Variants in DCDC2C observed in about 807,000 individuals in gnomAD.
DCDC2C encodes doublecortin domain containing 2C.
DCDC2C carries 44 observed loss-of-function variants against 45.0 expected under a neutral mutation model. The observed-to-expected ratio is 0.98, with a 90% confidence interval of 0.77 to 1.26. DCDC2C has a LOEUF of 1.26. Among genes scored for constraint, DCDC2C ranks in the 50% most tolerant of loss-of-function variants. The pLI is 0.00. For synonymous variants in DCDC2C, 187 were observed against 178.8 expected (o/e 1.05, Z -0.37); for missense variants, 447 against 468.9 (o/e 0.95, Z 0.43).
intron 6 of DCDC2C, among the ~76,000 whole-genome samples, chr2:3,755,406 T>C (rs564987531): frequency 2.7e-5 from 4 of 150,510 alleles, no homozygotes; most frequent in African/African-American, 5.0e-5. Context: ...CATATGTATG[T>C]ATTTAAATAC....
At chr2:3,836,901 A>C (rs1010308005) in intron 10 of DCDC2C, among the ~76,000 whole-genome samples, 1 of 151,606 alleles carries the variant, frequency 6.6e-6, no homozygotes, top group Admixed American at 6.6e-5. Flanking sequence ...TCTCTGTACT[A>C]TCTTTGCAAC....
intron 10 of DCDC2C, among the ~76,000 whole-genome samples, chr2:3,803,398 C>T (rs761487066): frequency 8.5e-5 from 13 of 152,312 alleles, no homozygotes; most frequent in Middle Eastern, 3.4e-3. Context: ...ACAGACCTTG[C>T]GTCCTATCTT....
At chr2:3,774,788 T>C (rs1050231828) in intron 8 of DCDC2C, among the ~76,000 whole-genome samples, 1 of 151,476 alleles carries the variant, frequency 6.6e-6, no homozygotes, top group Non-Finnish European at 1.5e-5. Flanking sequence ...TTTTTTGAGA[T>C]GGAGTTTTGC....
chr2:3,798,271 C>T (rs1444145344), intron 10 of DCDC2C, among the ~76,000 whole-genome samples: 14 of 151,900 alleles, frequency 9.2e-5, no homozygotes, highest in East Asian at 3.9e-4. Context: ...TGTCTCTGCA[C>T]GTGAGATGGG....
At chr2:3,815,622 G>A (rs547367617) in intron 10 of DCDC2C, among the ~76,000 whole-genome samples, 1 of 152,192 alleles carries the variant, frequency 6.6e-6, no homozygotes, top group East Asian at 1.9e-4. Flanking sequence ...TTTCACCTGG[G>A]TGCAGGCGGG....
intron 2 of DCDC2C, among the ~76,000 whole-genome samples, chr2:3,723,283 A>T (rs1572559003): frequency 6.6e-6 from 1 of 152,196 alleles, no homozygotes; most frequent in East Asian, 1.9e-4. Context: ...AAGCAAATAC[A>T]CAAACAAGAA....
In DCDC2C at chr2:3,767,815, C is replaced by A. The variant is rs1572600665; in HGVS notation, c.788C>A (p.Ser263Tyr). The A allele has an allele frequency of 6.5e-7, 1 of 1,547,036 alleles. No homozygotes were observed. Among genetic ancestry groups the A allele is most frequent in the Non-Finnish European group, 8.7e-7 (1 of 1,146,074 alleles). The change falls in exon 7 of 11, where the codon TCT becomes TAT. Residue 263 changes from serine to tyrosine, a missense_variant. Transcript: ENST00000399143. ...YDGIPPKTQDSVYYAKEEKKK... is the reference protein window; with the variant it reads ...YDGIPPKTQDYVYYAKEEKKK... Reference sequence around the variant, plus strand: ...GGCATACCCCCTAAAACACAGGATTCTGTTTATTATGCCAAAGAAGAAAAG... The same window carrying A: ...GGCATACCCCCTAAAACACAGGATTATGTTTATTATGCCAAAGAAGAAAAG...
chr2:3,708,672 G>C (rs1298678740), intron 2 of DCDC2C, 72 bp downstream of exon 2: 4 of 1,205,254 alleles, frequency 3.3e-6, no homozygotes, highest in Non-Finnish European at 4.7e-6. Flanking sequence ...ATGTCGGCAC[G>C]GAATAATTGA....
At chr2:3,749,905 G>A (rs771306010) in intron 4 of DCDC2C, among the ~76,000 whole-genome samples, 5 of 152,154 alleles carry the variant, frequency 3.3e-5, no homozygotes, top group African/African-American at 9.7e-5. Flanking sequence ...AGGAAAACCC[G>A]AAATGCCTTT....
chr2:3,725,021 G>C (rs1668599410), intron 2 of DCDC2C, among the ~76,000 whole-genome samples: 1 of 152,138 alleles, frequency 6.6e-6, no homozygotes, highest in Non-Finnish European at 1.5e-5. Context: ...GGAGGGGAGG[G>C]TGTGGATTAG....
At chr2:3,754,986 G>A (rs771066085) in intron 6 of DCDC2C, among the ~76,000 whole-genome samples, 1 of 152,190 alleles carries the variant, frequency 6.6e-6, no homozygotes, top group Non-Finnish European at 1.5e-5. Context: ...GGGCTCTGGC[G>A]GGGGGTGGGA....
rs1667937261 is a variant in DCDC2C, at chr2:3,703,721, G to C, written c.-31G>C. ...GCTGCCCGCGCTGCCGCAGCCTCTC[G>C]GCCCCGGCGAGCGAGGAGCGGGGCG... On this transcript the variant is annotated 5_prime_UTR_variant, in exon 1 of 11. Coordinates refer to ENST00000399143, the MANE Select transcript of DCDC2C (RefSeq NM_001287444.2). This position sits in a 1 kb window ranked among gnomAD's most constrained non-coding sequence, Gnocchi z 4.4. 2 of 1,227,388 alleles carry C rather than the reference G, an allele frequency of 1.6e-6. No individual in the cohort carries two copies. The highest frequency in any genetic ancestry group is 3.2e-5 in the East Asian group (1 of 31,404). 76.0% of individuals were successfully genotyped at this position (1,227,388 alleles called of 1,614,324 possible). A position where few individuals can be genotyped will look rare whatever the true frequency, so the allele number is the denominator to read the frequency against.
At chr2:3,782,481 CTTT>C (rs35616710) in intron 9 of DCDC2C, among the ~76,000 whole-genome samples, 2 of 143,576 alleles carry the variant, frequency 1.4e-5, no homozygotes, top group Admixed American at 6.9e-5. Flanking sequence ...TTCTTCAGTT[CTTT>C]TTTTTTTTTT....
rs1020604589 is a variant in DCDC2C at position 3,818,515 on chromosome 2, T to A, written c.1066-28639T>A. Among the ~76,000 whole-genome samples, 3 of 152,132 alleles carry A rather than the reference T, an allele frequency of 2.0e-5. No homozygotes were observed. The highest frequency in any genetic ancestry group is 4.4e-5 in the Non-Finnish European group (3 of 68,032). On this transcript the variant is annotated intron_variant, in intron 10 of 10. Coordinates refer to ENST00000399143, the MANE Select transcript of DCDC2C (RefSeq NM_001287444.2). The surrounding 1 kb of genome is among the most constrained non-coding windows in gnomAD (Gnocchi z 4.7). ...AAGGGGCAGATCCTGAACTAACATG[T>A]AAGGCTTGTCCAGTTTTTGGACAGG...
chr2:3,722,251 C>G (rs1228741734), intron 2 of DCDC2C, among the ~76,000 whole-genome samples: 1 of 152,158 alleles, frequency 6.6e-6, no homozygotes, highest in Non-Finnish European at 1.5e-5. Flanking sequence ...GAGTACTAAG[C>G]TACATGGGTA....
rs1270282603 is a variant in DCDC2C at position 3,793,344 on chromosome 2, TC to T, written c.1065+8246del. On this transcript the variant is annotated intron_variant, in intron 10 of 10. Coordinates refer to ENST00000399143, the MANE Select transcript of DCDC2C (RefSeq NM_001287444.2). The stretch of plus-strand genomic sequence containing the variant: ...GGATGGACGAAAATGCTCCTAAACA[TC>T]CTTCAGTGCCGCCTTCTGCATCGGA... Among the ~76,000 whole-genome samples, 3 of 152,306 alleles carry T rather than the reference TC, an allele frequency of 2.0e-5. No individual in the cohort carries two copies. In the East Asian group the frequency reaches 5.8e-4, roughly 29 times the overall value.
At chr2:3,713,976 T>A (rs369244379) in intron 2 of DCDC2C, among the ~76,000 whole-genome samples, 4 of 152,352 alleles carry the variant, frequency 2.6e-5, no homozygotes, top group African/African-American at 4.8e-5. Context: ...AAATGTGGCA[T>A]AAGCTTTTGC....
At chr2:3,752,077 G>C (rs976843960) in intron 4 of DCDC2C, among the ~76,000 whole-genome samples, 2 of 152,166 alleles carry the variant, frequency 1.3e-5, no homozygotes, top group African/African-American at 2.4e-5. Context: ...AGTTCCTCCA[G>C]CTCTGTGAAG....
At chr2:3,738,306 A>G (rs1478515909) in intron 3 of DCDC2C, among the ~76,000 whole-genome samples, 1 of 152,138 alleles carries the variant, frequency 6.6e-6, no homozygotes. Flanking sequence ...TAAAGTAAAA[A>G]AGGAATTAAT....
Sources: gnomAD v4.1 joint callset for allele counts (sites outside exome capture counted in the v4.1 genomes callset) on GRCh38, gnomAD v4.1.1 for gene constraint, Gnocchi (gnomAD v3.1) non-coding constraint, MANE v1.5 for transcripts, NCBI Gene and HGNC (gene_info 2026-07-23, HGNC 2026-07-21) for gene names.